Variants in GRID1 observed in about 807,000 individuals in gnomAD.
GRID1 encodes glutamate ionotropic receptor delta type subunit 1.
In GRID1, 28 loss-of-function variants were observed where a neutral mutation model predicts 98.0. That is an observed-to-expected ratio of 0.29 (90% confidence interval 0.21 to 0.39). The LOEUF is 0.39. Among genes scored for constraint, GRID1 ranks in the 10% least tolerant of loss-of-function variants. The probability of loss-of-function intolerance (pLI) is 1.00; values close to 1 mark genes in which losing one functional copy is unlikely to be tolerated. For missense variants in GRID1, 1,111 were observed against 1,340.5 expected (o/e 0.83, Z 2.67); for synonymous variants, 553 against 538.5 (o/e 1.03, Z -0.37).
At chr10:85,872,869 T>C (rs1230187137) in intron 5 of GRID1, among the ~76,000 whole-genome samples, 2 of 152,212 alleles carry the variant, frequency 1.3e-5, no homozygotes, top group African/African-American at 2.4e-5. Context: ...AATGTACTCC[T>C]ACCCACCTCC....
rs933366417 is a variant in GRID1, at chr10:85,600,138, T to C, written c.*2135A>G. On this transcript the variant is annotated 3_prime_UTR_variant, in exon 16 of 16. Transcript: ENST00000327946. ...GTTTGATTAAAAAAATAGAGAGATA[T>C]ATATGTGAAAAATTGACCATTCAGG... The C allele has an allele frequency of 8.5e-5, 13 of 152,222 alleles. No homozygotes were observed. The highest frequency in any genetic ancestry group is 8.5e-4 in the Admixed American group (13 of 15,240). The allele number at this position is 152,222 out of a possible 1,614,324, so 9.4% of individuals were successfully genotyped here. A position where few individuals can be genotyped will look rare whatever the true frequency, so the allele number is the denominator to read the frequency against.
intron 3 of GRID1, among the ~76,000 whole-genome samples, chr10:86,175,246 T>G (rs1225349585): frequency 6.6e-6 from 1 of 151,846 alleles, no homozygotes; most frequent in East Asian, 1.9e-4. Context: ...TCTCAACTTG[T>G]GGATCTGGTT....
At chr10:86,024,423 G>C (rs1843089969) in intron 4 of GRID1, among the ~76,000 whole-genome samples, 1 of 152,188 alleles carries the variant, frequency 6.6e-6, no homozygotes, top group African/African-American at 2.4e-5. Context: ...CACATCAAGT[G>C]AGAAAAGATC....
chr10:85,831,588 A>G (rs1401494767), intron 8 of GRID1, among the ~76,000 whole-genome samples: 1 of 152,188 alleles, frequency 6.6e-6, no homozygotes, highest in Non-Finnish European at 1.5e-5. Context: ...ATATTTAAAG[A>G]GCCAAAATCA....
chr10:86,231,469 C>T (rs1481483722), intron 2 of GRID1, among the ~76,000 whole-genome samples: 1 of 152,170 alleles, frequency 6.6e-6, no homozygotes, highest in East Asian at 1.9e-4. Context: ...CCTAAGTGAA[C>T]CCTTGTGCCC....
At chr10:85,703,582 G>A (rs1841478510) in intron 12 of GRID1, among the ~76,000 whole-genome samples, 1 of 152,000 alleles carries the variant, frequency 6.6e-6, no homozygotes, top group African/African-American at 2.4e-5. Context: ...GGAGAGATAT[G>A]AATATATAGT....
At chr10:86,266,947 G>C (rs1847113188) in intron 2 of GRID1, among the ~76,000 whole-genome samples, 1 of 152,118 alleles carries the variant, frequency 6.6e-6, no homozygotes, top group Admixed American at 6.5e-5. Flanking sequence ...TATCCCCACA[G>C]AGCCTCTGTC....
chr10:86,083,204 T>G (rs147087583), intron 4 of GRID1, among the ~76,000 whole-genome samples: 1 of 152,350 alleles, frequency 6.6e-6, no homozygotes, highest in East Asian at 1.9e-4. Context: ...TATATTCTCA[T>G]GCAGTTGTAT....
At chr10:85,790,140 G>A (rs1035864776) in intron 8 of GRID1, among the ~76,000 whole-genome samples, 1 of 152,166 alleles carries the variant, frequency 6.6e-6, no homozygotes. Flanking sequence ...CTATCACAGC[G>A]CTCCAGCATG....
At chr10:85,944,383 A>C (rs1330315568) in intron 4 of GRID1, among the ~76,000 whole-genome samples, 2 of 152,258 alleles carry the variant, frequency 1.3e-5, no homozygotes, top group Non-Finnish European at 2.9e-5. Context: ...GAATTGACAA[A>C]AATGAAGAAA....
At chr10:86,072,268 T>C (rs1843815295) in intron 4 of GRID1, among the ~76,000 whole-genome samples, 1 of 152,130 alleles carries the variant, frequency 6.6e-6, no homozygotes, top group Admixed American at 6.6e-5. Flanking sequence ...CTATCATAGC[T>C]CACACGAGGA....
At chr10:85,899,759 T>C (rs1040981905) in intron 5 of GRID1, among the ~76,000 whole-genome samples, 3 of 152,138 alleles carry the variant, frequency 2.0e-5, no homozygotes, top group African/African-American at 4.8e-5. Flanking sequence ...CAGATCCCCA[T>C]GGGCCTCACA....
intron 4 of GRID1, among the ~76,000 whole-genome samples, chr10:85,992,471 GT>G (rs2131868954): frequency 6.6e-6 from 1 of 152,244 alleles, no homozygotes; most frequent in African/African-American, 2.4e-5. Flanking sequence ...GAAGATAAGG[GT>G]TTTGTGAAAA....
At chr10:85,782,680 G>A (rs1231790140) in intron 8 of GRID1, among the ~76,000 whole-genome samples, 2 of 152,240 alleles carry the variant, frequency 1.3e-5, no homozygotes, top group East Asian at 1.9e-4. Flanking sequence ...AGGGAGCAGC[G>A]AGTGCAAAGG....
intron 4 of GRID1, among the ~76,000 whole-genome samples, chr10:85,965,386 C>T (rs184429597): frequency 2.2e-4 from 33 of 152,144 alleles, no homozygotes; most frequent in African/African-American, 7.7e-4. Flanking sequence ...GGAACCAATC[C>T]AAATGCCCAT....
chr10:86,038,900 A>G (rs935517388), intron 4 of GRID1, among the ~76,000 whole-genome samples: 21 of 152,256 alleles, frequency 1.4e-4, no homozygotes, highest in Admixed American at 1.2e-3. Flanking sequence ...CAACAGGCTA[A>G]ATCTGTAACT....
chr10:86,248,563 CTTTTTTTTTTTTTTTTTT>C (rs200060771), intron 2 of GRID1, among the ~76,000 whole-genome samples: 3,585 of 121,918 alleles, frequency 0.029, 141 homozygotes, highest in African/African-American at 0.073. Flanking sequence ...CATGACAATT[CTTTTTTTTTTTTTTTTTT>C]TTTTTTTTTT....
intron 4 of GRID1, among the ~76,000 whole-genome samples, chr10:86,093,554 T>C (rs533971853): frequency 6.6e-6 from 1 of 152,232 alleles, no homozygotes; most frequent in East Asian, 1.9e-4. Flanking sequence ...CAAAAGATCA[T>C]TCAAGGCTAC....
intron 8 of GRID1, among the ~76,000 whole-genome samples, chr10:85,775,893 C>T (rs1842326317): frequency 6.6e-6 from 1 of 151,980 alleles, no homozygotes; most frequent in Non-Finnish European, 1.5e-5. Context: ...GCAGGACTTT[C>T]ACTATATAAT....
Sources: allele counts gnomAD v4.1 joint callset (sites outside exome capture counted in the v4.1 genomes callset), GRCh38; gene constraint gnomAD v4.1.1; transcripts MANE v1.5; gene names NCBI Gene and HGNC (gene_info 2026-07-23, HGNC 2026-07-21).